TAMM41: variants seen among roughly 807,000 people sequenced by gnomAD.
TAMM41 encodes TAM41 mitochondrial translocator assembly and maintenance homolog.
In TAMM41, 36 loss-of-function variants were observed where a neutral mutation model predicts 44.1. The ratio of observed to expected loss-of-function variants is 0.82; its 90% CI spans 0.63 to 1.08. TAMM41 has a LOEUF of 1.08. Among genes scored for constraint, TAMM41 ranks in the 50% least tolerant of loss-of-function variants. The probability of loss-of-function intolerance (pLI) is 0.00; values close to 1 mark genes in which losing one functional copy is unlikely to be tolerated. For missense variants in TAMM41, 417 were observed against 404.3 expected, an observed-to-expected ratio of 1.03 and a Z score of -0.27; for synonymous variants, 164 against 153.1, an observed-to-expected ratio of 1.07 and a Z score of -0.53.
the TAMM41 span, among the ~76,000 whole-genome samples, chr3:11,723,392 C>T: frequency 6.6e-6 from 1 of 151,910 alleles, no homozygotes; most frequent in Admixed American, 6.6e-5. Context: ...CCAGCCTGGG[C>T]AACACCGCGA....
At chr3:11,788,550 A>T (rs1206022093), downstream of TAMM41, among the ~76,000 whole-genome samples, 1 of 152,172 alleles carries the variant, frequency 6.6e-6, no homozygotes, top group Non-Finnish European at 1.5e-5. Context: ...CAGCCTTCCA[A>T]AGTGCTGGGA....
chr3:11,752,873 T>C, the TAMM41 span, among the ~76,000 whole-genome samples: 3 of 151,236 alleles, frequency 2.0e-5, no homozygotes, highest in African/African-American at 7.3e-5. Context: ...CAGGCTGGTC[T>C]TGAACTCCTG....
chr3:11,844,253 T>C, intron 1 of TAMM41, 42 bp from the exon 2 acceptor site: 1 of 1,587,250 alleles, frequency 6.3e-7, no homozygotes, highest in South Asian at 1.1e-5. Context: ...TATTAATTCC[T>C]AGAAAGGCAG....
At chr3:11,807,543 T>C (rs751415897) in intron 7 of TAMM41, 135 of 1,536,076 alleles carry the variant, frequency 8.8e-5, no homozygotes, top group Admixed American at 3.7e-4. Flanking sequence ...ATCTGTAACT[T>C]TGATAAATAA....
At chr3:11,755,800 C>G in the TAMM41 span, among the ~76,000 whole-genome samples, 4 of 152,332 alleles carry the variant, frequency 2.6e-5, no homozygotes, top group East Asian at 7.7e-4. Context: ...GGCTCTTACA[C>G]TCCTTAGGGT....
At chr3:11,789,718 CT>C (rs2077441231), downstream of TAMM41, among the ~76,000 whole-genome samples, 1 of 152,178 alleles carries the variant, frequency 6.6e-6, no homozygotes, top group Admixed American at 6.5e-5. Flanking sequence ...AGGTTTCTTG[CT>C]TTTCTAAGAG....
Position 11,809,432 on chromosome 3 carries a change from G to A in TAMM41, c.874+85C>T, listed in dbSNP as rs1034606130. The A allele has an allele frequency of 3.3e-6, 5 of 1,511,220 alleles. No individual in the cohort carries two copies. In the South Asian group the frequency reaches 6.0e-5, roughly 18 times the overall value. The allele number at this position is 1,511,220 out of a possible 1,614,324, so 93.6% of individuals were successfully genotyped here. A position where few individuals can be genotyped will look rare whatever the true frequency, so the allele number is the denominator to read the frequency against. On this transcript the variant is annotated intron_variant, in intron 6 of 7. Coordinates refer to ENST00000455809, the MANE Select transcript of TAMM41 (RefSeq NM_001284401.2). The stretch of plus-strand genomic sequence containing the variant: ...ATCTCTCTATCTCGCTAAACAAAAA[G>A]GAAGAAATAATACATTCCAATCACA...
chr3:11,798,603 G>A (rs2077668985), intron 7 of TAMM41, among the ~76,000 whole-genome samples: 2 of 151,998 alleles, frequency 1.3e-5, no homozygotes, highest in African/African-American at 4.8e-5. Context: ...AAACTTCTAT[G>A]GCACAAGTTT....
At chr3:11,745,161 C>G in the TAMM41 span, among the ~76,000 whole-genome samples, 1 of 152,196 alleles carries the variant, frequency 6.6e-6, no homozygotes, top group Non-Finnish European at 1.5e-5. Flanking sequence ...CCACACCCGG[C>G]CTACAAATAA....
At chr3:11,764,377 T>C in the TAMM41 span, among the ~76,000 whole-genome samples, 2 of 151,534 alleles carry the variant, frequency 1.3e-5, no homozygotes, top group African/African-American at 4.9e-5. Context: ...GCTTGTGAAG[T>C]GCCAGACCCT....
rs184620069 is a variant in TAMM41, at chr3:11,845,418, C to T, written c.135+1084G>A. Among the ~76,000 whole-genome samples the T allele has an allele frequency of 7.9e-5, 12 of 152,218 alleles. No individual in the cohort carries two copies. In the East Asian group the frequency reaches 2.3e-3, roughly 29 times the overall value. ...AATTCCAGGTCTATTCAAAGGAAAA[C>T]CTCCATGGAAGAATGAAGAGGTGGC... On this transcript the variant is annotated intron_variant, in intron 1 of 7. Coordinates refer to ENST00000455809, the MANE Select transcript of TAMM41 (RefSeq NM_001284401.2).
the TAMM41 span, among the ~76,000 whole-genome samples, chr3:11,765,981 G>A: frequency 7.9e-5 from 12 of 151,940 alleles, no homozygotes; most frequent in East Asian, 5.8e-4. Flanking sequence ...GATTACAGGC[G>A]TGAGCAACCA....
chr3:11,768,356 T>A, the TAMM41 span, among the ~76,000 whole-genome samples: 1 of 152,058 alleles, frequency 6.6e-6, no homozygotes, highest in Non-Finnish European at 1.5e-5. Flanking sequence ...CAGGCTGGTC[T>A]CAAACTCCTG....
chr3:11,733,160 G>A, the TAMM41 span, among the ~76,000 whole-genome samples: 43 of 151,678 alleles, frequency 2.8e-4, no homozygotes, highest in Non-Finnish European at 2.2e-4. Flanking sequence ...CACCATGCCC[G>A]GCTAATTTTT....
chr3:11,833,077 A>G, intron 3 of TAMM41: 6 of 1,256,130 alleles, frequency 4.8e-6, no homozygotes, highest in Non-Finnish European at 6.2e-6. Context: ...TGAACTAGGA[A>G]CTTGTCTCAG....
At chr3:11,733,588 G>C in the TAMM41 span, among the ~76,000 whole-genome samples, 1 of 151,720 alleles carries the variant, frequency 6.6e-6, no homozygotes, top group African/African-American at 2.4e-5. Flanking sequence ...TGCCTCCCGG[G>C]TTCATGCCAT....
the TAMM41 span, among the ~76,000 whole-genome samples, chr3:11,723,998 G>T: frequency 6.6e-5 from 10 of 151,620 alleles, no homozygotes; most frequent in Non-Finnish European, 1.5e-4. Context: ...CCTCAGTGGG[G>T]GATGGGGGGG....
intron 7 of TAMM41, among the ~76,000 whole-genome samples, chr3:11,805,286 G>A (rs2124945754): frequency 6.6e-6 from 1 of 152,136 alleles, no homozygotes; most frequent in Admixed American, 6.6e-5. Flanking sequence ...ACAGGCATGA[G>A]TCACCACATC....
At chr3:11,805,815 T>G (rs1172617676) in intron 7 of TAMM41, among the ~76,000 whole-genome samples, 2 of 152,246 alleles carry the variant, frequency 1.3e-5, no homozygotes, top group Admixed American at 1.3e-4. Flanking sequence ...TTCTAAATTA[T>G]ACGCCTCTGC....
Sources: gnomAD v4.1 joint callset for allele counts (sites outside exome capture counted in the v4.1 genomes callset) on GRCh38, gnomAD v4.1.1 for gene constraint, MANE v1.5 for transcripts, NCBI Gene and HGNC (gene_info 2026-07-23, HGNC 2026-07-21) for gene names.